Variants in CCDC150 observed in about 807,000 individuals in gnomAD.
CCDC150 encodes coiled-coil domain-containing protein 150.
CCDC150 carries 151 observed loss-of-function variants against 156.5 expected under a neutral mutation model. The ratio of observed to expected loss-of-function variants is 0.97; its 90% CI spans 0.85 to 1.10. CCDC150 has a LOEUF of 1.10. Ranked by LOEUF, CCDC150 falls within the 50% of genes least tolerant of loss-of-function variation. CCDC150 has a pLI of 0.00. For missense variants in CCDC150, 1,312 were observed against 1,268.1 expected (o/e 1.03, Z -0.53); for synonymous variants, 452 against 429.4 (o/e 1.05, Z -0.65).
chr2:196,731,402 T>G (rs898214297), intron 26 of CCDC150, among the ~76,000 whole-genome samples: 21 of 151,586 alleles, frequency 1.4e-4, no homozygotes. Context: ...TTTTTTTTTT[T>G]TTTTTTCCAA....
At chr2:196,669,670 T>C (rs1313101963) in intron 7 of CCDC150, among the ~76,000 whole-genome samples, 163 bp from the exon 8 acceptor site, 1 of 152,188 alleles carries the variant, frequency 6.6e-6, no homozygotes, top group South Asian at 2.1e-4. Context: ...ACTAGTTTCT[T>C]GGTAATTCCA....
Position 196,732,694 on chromosome 2 carries a change from GAGTTTATCACTTTATGAAC to G in CCDC150, c.*133_*151del. ...GATGTGGGCTGAAGATTTTGGACCT[GAGTTTATCACTTTATGAAC>G]TCTTATATCAGTACAAAACTACCCC... On this transcript the variant is annotated 3_prime_UTR_variant, in exon 28 of 28. Transcript: ENST00000389175. The G allele has an allele frequency of 1.6e-6, 1 of 643,954 alleles. No individual in the cohort carries two copies. Among genetic ancestry groups the G allele is most frequent in the Non-Finnish European group, 2.8e-6 (1 of 362,208 alleles). The allele number at this position is 643,954 out of a possible 1,614,324, so 39.9% of individuals were successfully genotyped here.
At chr2:196,701,951 G>A (rs138993950) in intron 15 of CCDC150, among the ~76,000 whole-genome samples, 13 of 152,230 alleles carry the variant, frequency 8.5e-5, no homozygotes, top group Non-Finnish European at 1.8e-4. Context: ...GTTGGGGGAG[G>A]CTGTGCGTGG....
chr2:196,665,456 A>G (rs1040665476), intron 5 of CCDC150, 111 bp from the exon 6 acceptor site: 2 of 546,724 alleles, frequency 3.7e-6, no homozygotes, highest in Non-Finnish European at 6.3e-6. Flanking sequence ...TAAATGAATT[A>G]AGACTGTTTG....
intron 5 of CCDC150, among the ~76,000 whole-genome samples, chr2:196,660,442 A>C (rs1203851861): frequency 6.6e-6 from 1 of 152,158 alleles, no homozygotes. Context: ...GCAAGGAATA[A>C]GAGTTATGGT....
At chr2:196,718,864 CAA>C (rs1009973936) in intron 18 of CCDC150, among the ~76,000 whole-genome samples, 1 of 151,940 alleles carries the variant, frequency 6.6e-6, no homozygotes, top group Admixed American at 6.6e-5. Context: ...CTTAAATACT[CAA>C]AAGAGAAAGT....
chr2:196,671,712 G>A (rs1694216394), intron 8 of CCDC150, among the ~76,000 whole-genome samples: 1 of 152,142 alleles, frequency 6.6e-6, no homozygotes, highest in Non-Finnish European at 1.5e-5. Context: ...ACAGGGATGA[G>A]CCATCGTGCC....
chr2:196,656,575 G>A (rs1693199374), intron 2 of CCDC150, 58 bp from the exon 3 acceptor site: 1 of 1,185,760 alleles, frequency 8.4e-7, no homozygotes, highest in Non-Finnish European at 1.2e-6. Context: ...TCAGTTTTTG[G>A]GATTACCATA....
chr2:196,656,358 A>T (rs1693186670), intron 2 of CCDC150, among the ~76,000 whole-genome samples: 1 of 151,716 alleles, frequency 6.6e-6, no homozygotes, highest in Admixed American at 6.6e-5. Flanking sequence ...TACCTAGTCA[A>T]TGTGGATATT....
Position 196,719,503 on chromosome 2 carries a change from A to G in CCDC150, c.2002A>G (p.Asn668Asp), listed in dbSNP as rs967542434. Residue 668 changes from asparagine (N) to aspartate (D), a missense_variant, in exon 19 of 28, where the codon AAC (asparagine) becomes GAC (aspartate). Transcript: ENST00000389175. ...TTGTTTCATTTTCTGTTAGGTGGGAAACTTTCAGCGACAATTGGCAGAAGC... is the reference window on the plus strand; with the variant it reads ...TTGTTTCATTTTCTGTTAGGTGGGAGACTTTCAGCGACAATTGGCAGAAGC... Reference protein sequence around the residue: ...VEDRENKKVGNFQRQLAEAKE... With the variant: ...VEDRENKKVGDFQRQLAEAKE... 1 of 1,609,962 alleles carries G rather than the reference A, an allele frequency of 6.2e-7. No individual in the cohort carries two copies. The highest frequency in any genetic ancestry group is 8.5e-7 in the Non-Finnish European group (1 of 1,178,400).
At chr2:196,725,844 C>G in intron 21 of CCDC150, 129 bp from the exon 22 acceptor site, 1 of 727,624 alleles carries the variant, frequency 1.4e-6, no homozygotes, top group Non-Finnish European at 2.1e-6. Context: ...TGAGGTTCAC[C>G]AGGCTACTGA....
chr2:196,721,764 T>C, intron 21 of CCDC150, 73 bp downstream of exon 21: 1 of 1,221,826 alleles, frequency 8.2e-7, no homozygotes, highest in Non-Finnish European at 1.1e-6. Context: ...CATAAATGGC[T>C]CATTCGCATA....
intron 1 of CCDC150, among the ~76,000 whole-genome samples, chr2:196,644,713 A>T (rs2125564834): frequency 6.6e-6 from 1 of 152,340 alleles, no homozygotes; most frequent in Middle Eastern, 3.4e-3. Flanking sequence ...CCATGTCCTT[A>T]AGCTGACTTA....
chr2:196,726,182 G>C, intron 22 of CCDC150, 83 bp downstream of exon 22: 1 of 1,466,152 alleles, frequency 6.8e-7, no homozygotes, highest in South Asian at 1.2e-5. Context: ...GGCTACAGTT[G>C]TTCTTTGACT....
intron 10 of CCDC150, among the ~76,000 whole-genome samples, chr2:196,675,374 C>A (rs1242454404): frequency 1.3e-5 from 2 of 152,102 alleles, no homozygotes; most frequent in East Asian, 3.9e-4. Flanking sequence ...ATATTTATTA[C>A]AAATATTTCA....
At chr2:196,731,385 A>T (rs1038071030) in intron 26 of CCDC150, among the ~76,000 whole-genome samples, 8 of 122,826 alleles carry the variant, frequency 6.5e-5, no homozygotes, top group Non-Finnish European at 9.7e-5. Context: ...GGTATTTCAA[A>T]TCATACTTTT....
At chr2:196,712,536 C>G (rs1697199108) in intron 16 of CCDC150, 141 bp from the exon 17 acceptor site, 1 of 624,594 alleles carries the variant, frequency 1.6e-6, no homozygotes, top group Admixed American at 3.0e-5. Flanking sequence ...TTATGCTTTT[C>G]AGAAAAATAG....
chr2:196,694,696 T>C (rs1695709461), intron 13 of CCDC150, among the ~76,000 whole-genome samples: 2 of 152,032 alleles, frequency 1.3e-5, no homozygotes, highest in Admixed American at 1.3e-4. Context: ...ACCCCGTTTC[T>C]ACTAAAAATA....
chr2:196,668,238 A>G (rs1693968770), intron 7 of CCDC150, among the ~76,000 whole-genome samples: 1 of 147,076 alleles, frequency 6.8e-6, no homozygotes, highest in African/African-American at 2.5e-5. Context: ...CTGAGGTTGC[A>G]GTGAGCCGAG....
Sources: gnomAD v4.1 joint callset for allele counts (sites outside exome capture counted in the v4.1 genomes callset) on GRCh38, gnomAD v4.1.1 for gene constraint, MANE v1.5 for transcripts, NCBI Gene and HGNC (gene_info 2026-07-23, HGNC 2026-07-21) for gene names.